The following ATP2B4 variants were observed in gnomAD, a reference collection of about 807,000 sequenced individuals.
ATP2B4 encodes ATPase plasma membrane Ca2+ transporting 4.
In ATP2B4, 39 loss-of-function variants were observed where a neutral mutation model predicts 110.3. The observed-to-expected ratio is 0.35, with a 90% CI of 0.27 to 0.46. The LOEUF (loss-of-function observed/expected upper bound fraction) is 0.46, where lower values mean the gene tolerates loss of function less well. Ranked by LOEUF, ATP2B4 falls within the 20% of genes least tolerant of loss-of-function variation. The pLI, the probability that ATP2B4 is intolerant of heterozygous loss-of-function variation, is 1.00. For missense variants in ATP2B4, 1,135 were observed against 1,530.9 expected (o/e 0.74, Z 4.32); for synonymous variants, 538 against 571.7 (o/e 0.94, Z 0.84).
intron 1 of ATP2B4, among the ~76,000 whole-genome samples, chr1:203,638,245 G>A (rs1285130037): frequency 6.6e-6 from 1 of 152,162 alleles, no homozygotes; most frequent in Non-Finnish European, 1.5e-5. Context: ...TCGCTGGAAG[G>A]CCTCCAGCCT....
intron 1 of ATP2B4, among the ~76,000 whole-genome samples, chr1:203,682,135 T>C (rs567675931): frequency 6.6e-6 from 1 of 152,260 alleles, no homozygotes; most frequent in African/African-American, 2.4e-5. Context: ...GATTTTGACA[T>C]CTTCTATCAA....
At chr1:203,642,381 G>T (rs1055311067) in intron 1 of ATP2B4, among the ~76,000 whole-genome samples, 10 of 152,220 alleles carry the variant, frequency 6.6e-5, no homozygotes, top group African/African-American at 2.4e-4. Context: ...ACTGCACCTG[G>T]CCTCACAGTC....
intron 1 of ATP2B4, among the ~76,000 whole-genome samples, chr1:203,641,914 C>G (rs1392770658): frequency 6.6e-6 from 1 of 152,196 alleles, no homozygotes; most frequent in African/African-American, 2.4e-5. Context: ...AGTAAGTACT[C>G]AATAAAAAGT....
At chr1:203,714,680 TCA>T (rs1666109974) in intron 15 of ATP2B4, among the ~76,000 whole-genome samples, 1 of 152,190 alleles carries the variant, frequency 6.6e-6, no homozygotes. Flanking sequence ...TCATGTGAAA[TCA>T]CATGTTCCAA....
intron 20 of ATP2B4, chr1:203,733,225 C>T: frequency 6.2e-7 from 1 of 1,610,864 alleles, no homozygotes; most frequent in East Asian, 2.2e-5. Context: ...CTTTGCAGAT[C>T]GACGTAATTA....
Position 203,700,351 on chromosome 1 carries a change from A to G in ATP2B4, c.775+20A>G. On this transcript the variant is annotated intron_variant, in intron 5 of 20. Transcript: ENST00000357681. Reference sequence around the variant, plus strand: ...TCTCAGGTATAGGCCCTGGCTGCCCAAGTTCCCATTTACCTCCCTGCAAAC... The same window carrying G: ...TCTCAGGTATAGGCCCTGGCTGCCCGAGTTCCCATTTACCTCCCTGCAAAC... 6.2e-7 allele frequency: 1 copy of G among 1,602,416 alleles called. No homozygotes were observed. The highest frequency in any genetic ancestry group is 8.5e-7 in the Non-Finnish European group (1 of 1,174,492).
At position 203,627,674 on chromosome 1, in the gene ATP2B4, G is replaced by GAAA. The variant is rs58557409; in HGVS notation, c.-465+469_-465+471dup. Among the ~76,000 whole-genome samples the GAAA allele has an allele frequency of 2.8e-3, 380 of 134,624 alleles. 2 individuals are homozygous for GAAA. The East Asian group carries it at 0.041, about 15-fold the overall frequency. The allele number at this position is 134,624 out of a possible 152,430, so 88.3% of individuals were successfully genotyped here. ...TTCTCGAAAGCCCAAAAGAGAGATG[G>GAAA]AAAAAAAAAAAAAAAAGGAACCAAA... On this transcript the variant is annotated intron_variant, in intron 1 of 20. Coordinates refer to ENST00000357681, the MANE Select transcript of ATP2B4 (RefSeq NM_001684.5).
chr1:203,656,164 C>A (rs1186063018), intron 1 of ATP2B4, among the ~76,000 whole-genome samples: 1 of 151,850 alleles, frequency 6.6e-6, no homozygotes, highest in Non-Finnish European at 1.5e-5. Context: ...CACCAAGTTA[C>A]AACCCTAACA....
At chr1:203,660,081 CAAA>C (rs1220626290) in intron 1 of ATP2B4, among the ~76,000 whole-genome samples, 21 of 145,066 alleles carry the variant, frequency 1.4e-4, no homozygotes, top group African/African-American at 4.2e-4. Flanking sequence ...GACTCCATCT[CAAA>C]AAAAAAAAAA....
intron 1 of ATP2B4, among the ~76,000 whole-genome samples, chr1:203,669,145 G>A (rs1180233223): frequency 2.0e-5 from 3 of 152,160 alleles, no homozygotes; most frequent in African/African-American, 7.2e-5. Flanking sequence ...GTTTAAAGTG[G>A]TATGTATAGG....
At chr1:203,637,977 T>C (rs1205675642) in intron 1 of ATP2B4, among the ~76,000 whole-genome samples, 1 of 152,122 alleles carries the variant, frequency 6.6e-6, no homozygotes, top group African/African-American at 2.4e-5. Context: ...TGATGGCTGG[T>C]AACTGCTAAT....
At chr1:203,727,745 G>T (rs539609911) in intron 20 of ATP2B4, 174 bp downstream of exon 20, 6 of 733,638 alleles carry the variant, frequency 8.2e-6, no homozygotes, top group Non-Finnish European at 2.2e-6. Flanking sequence ...ATCTGTGTGG[G>T]GTCCTCTGAG....
In ATP2B4 at chr1:203,692,810, G is replaced by A. The variant is rs1665423097; in HGVS notation, c.194-5347G>A. Among the ~76,000 whole-genome samples, 3 of 152,284 alleles carry A rather than the reference G, an allele frequency of 2.0e-5. No individual in the cohort carries two copies. In the South Asian group the frequency reaches 6.2e-4, roughly 32 times the overall value. ...AGGCCCTAGGTCCTGCACACTCATG[G>A]CAGACACAAATATTCCACTGCTGTT... On this transcript the variant is annotated intron_variant, in intron 2 of 20. Coordinates refer to ENST00000357681, the MANE Select transcript of ATP2B4 (RefSeq NM_001684.5).
At position 203,739,635 on chromosome 1, in the gene ATP2B4, C is replaced by T. The variant is rs748704609; in HGVS notation, c.3399C>T (p.His1133=). ...NQKSIHSFMT[H]PEFAIEEELP... is the part of the protein sequence containing the mutation. ...AGTCCATCCACAGCTTCATGACCCA[C>T]CCTGAATTCGCCATAGAGGAGGAGT... The change falls in exon 21 of 21, where the codon CAC becomes CAT. Residue 1133 remains histidine, a synonymous_variant. Transcript: ENST00000357681. 6.2e-7 allele frequency: 1 copy of T among 1,614,136 alleles called. No individual in the cohort carries two copies. The highest frequency in any genetic ancestry group is 1.7e-5 in the Admixed American group (1 of 60,020).
Position 203,692,875 on chromosome 1 carries a change from C to A in ATP2B4, c.194-5282C>A, listed in dbSNP as rs866152672. On this transcript the variant is annotated intron_variant, in intron 2 of 20. Coordinates refer to ENST00000357681, the MANE Select transcript of ATP2B4 (RefSeq NM_001684.5). ...ACCCAGCCTGGGCAGGGGCCGTGCA[C>A]CTCCCCAGCATGGGGTGGGGGTGAT... 7.2e-5 allele frequency among the ~76,000 whole-genome samples: 11 copies of A among 152,290 alleles called. No homozygotes were observed. The South Asian group carries it at 1.9e-3, about 26-fold the overall frequency.
rs369438674 is a variant in ATP2B4, at chr1:203,703,695, C to A, written c.981C>A (p.Asn327Lys). The stretch of plus-strand genomic sequence containing the variant: ...TGGCCCTGGAAATCCAGCCACTCAA[C>A]AGCCAGGAGGGAATCGACAATGAGG... ...DGVALEIQPL[N>K]SQEGIDNEEK... The change falls in exon 8 of 21, where the codon AAC becomes AAA. Residue 327 changes from asparagine to lysine, a missense_variant. By Grantham distance (94) the Asn-to-Lys change is moderately conservative. This residue lies in a region of ATP2B4 where 162 missense variants were observed against 210.5 expected (regional missense o/e 0.77). Coordinates refer to ENST00000357681, the MANE Select transcript of ATP2B4 (RefSeq NM_001684.5). 1.1e-5 allele frequency: 17 copies of A among 1,614,032 alleles called. No homozygotes were observed. The highest frequency in any genetic ancestry group is 1.7e-5 in the Admixed American group (1 of 60,002).
rs570331623 is a variant in ATP2B4, at chr1:203,709,554, C to T, written c.1799+12C>T. 8 of 1,613,942 alleles carry T rather than the reference C, an allele frequency of 5.0e-6. No homozygotes were observed. The highest frequency in any genetic ancestry group is 3.3e-4 in the Middle Eastern group (2 of 6,060). On this transcript the variant is annotated intron_variant, in intron 11 of 20. Coordinates refer to ENST00000357681, the MANE Select transcript of ATP2B4 (RefSeq NM_001684.5). ...ATCATCTTGCGCAAGTGAGCACCCCCGACCACTCTGCTTCCCTTCAAGATC... is the reference window on the plus strand; with the variant it reads ...ATCATCTTGCGCAAGTGAGCACCCCTGACCACTCTGCTTCCCTTCAAGATC...
At chr1:203,688,589 C>T (rs945924365) in intron 2 of ATP2B4, among the ~76,000 whole-genome samples, 1 of 152,104 alleles carries the variant, frequency 6.6e-6, no homozygotes, top group African/African-American at 2.4e-5. Flanking sequence ...GGCATGAGCC[C>T]TCATGCGCAG....
intron 2 of ATP2B4, among the ~76,000 whole-genome samples, chr1:203,688,550 C>T (rs1255301067): frequency 6.6e-6 from 1 of 152,048 alleles, no homozygotes; most frequent in African/African-American, 2.4e-5. Context: ...GATCTGCCCA[C>T]CTTGGCCCCC....
Sources: allele counts gnomAD v4.1 joint callset (sites outside exome capture counted in the v4.1 genomes callset), GRCh38; gene constraint gnomAD v4.1.1; regional missense constraint gnomAD v4.1.1; transcripts MANE v1.5; gene names NCBI Gene and HGNC (gene_info 2026-07-23, HGNC 2026-07-21).